Variants in EML6 observed in about 807,000 individuals in gnomAD.
EML6 encodes the protein echinoderm microtubule-associated protein-like 6.
A neutral mutation model predicts 240.1 loss-of-function variants in EML6; 154 were observed. The observed-to-expected ratio is 0.64, with a 90% CI of 0.56 to 0.73. The LOEUF (loss-of-function observed/expected upper bound fraction) is 0.73, where lower values mean the gene tolerates loss of function less well. Among genes scored for constraint, EML6 ranks in the 30% least tolerant of loss-of-function variants. The pLI is 0.00. For missense variants in EML6, 2,964 were observed against 2,474.6 expected (o/e 1.20, Z -4.20); for synonymous variants, 1,148 against 899.0 (o/e 1.28, Z -4.95).
rs1009109990 is a variant in EML6, at chr2:54,933,223, T to C, written c.4004+4472T>C. Among the ~76,000 whole-genome samples the C allele has an allele frequency of 2.0e-5, 3 of 152,284 alleles. No homozygotes were observed. The East Asian group carries it at 5.8e-4, about 29-fold the overall frequency. On this transcript the variant is annotated intron_variant, in intron 28 of 41. Coordinates refer to ENST00000356458, the MANE Select transcript of EML6 (RefSeq NM_001039753.4). ...TATTGGCTCTGGTGGGCCCCAGGAC[T>C]ACCCTTGAACCAATCACTATGGGCT...
At chr2:54,863,711 A>G in intron 12 of EML6, 72 bp from the exon 13 acceptor site, 1 of 754,486 alleles carries the variant, frequency 1.3e-6, no homozygotes, top group Non-Finnish European at 2.3e-6. Flanking sequence ...AAAAGGAAAA[A>G]TATTTTAGAT....
chr2:54,828,466 G>A (rs529450787), intron 6 of EML6, among the ~76,000 whole-genome samples: 10 of 152,326 alleles, frequency 6.6e-5, no homozygotes, highest in African/African-American at 2.4e-4. Flanking sequence ...TGGAAATTGG[G>A]TAAAGATGTT....
At chr2:54,795,038 C>T (rs1225936653) in intron 2 of EML6, among the ~76,000 whole-genome samples, 2 of 152,162 alleles carry the variant, frequency 1.3e-5, no homozygotes, top group African/African-American at 4.8e-5. Context: ...TTACATAGTA[C>T]TATTTATTCG....
At chr2:54,857,188 C>T (rs1426574851) in intron 11 of EML6, among the ~76,000 whole-genome samples, 2 of 152,106 alleles carry the variant, frequency 1.3e-5, no homozygotes, top group Admixed American at 6.5e-5. Context: ...GTTAGGGGCC[C>T]GTACTGGGCA....
intron 12 of EML6, 93 bp downstream of exon 12, chr2:54,859,794 A>G: frequency 8.9e-7 from 1 of 1,126,418 alleles, no homozygotes; most frequent in Admixed American, 3.7e-5. Flanking sequence ...AAAGGATTTA[A>G]GCAATTTTGG....
At chr2:54,929,084 C>T (rs1184063422) in intron 28 of EML6, among the ~76,000 whole-genome samples, 1 of 152,198 alleles carries the variant, frequency 6.6e-6, no homozygotes, top group Non-Finnish European at 1.5e-5. Flanking sequence ...ACAGGAAAGC[C>T]TGCTGACCAG....
rs142016313 is a variant in EML6 at position 54,825,879 on chromosome 2, A to G, written c.526-1687A>G. Among the ~76,000 whole-genome samples the G allele has an allele frequency of 1.8e-4, 28 of 152,268 alleles. 1 individual carries two copies. The highest frequency in any genetic ancestry group is 6.3e-4 in the African/African-American group (26 of 41,550). On this transcript the variant is annotated intron_variant, in intron 5 of 41. Coordinates refer to ENST00000356458, the MANE Select transcript of EML6 (RefSeq NM_001039753.4). The stretch of plus-strand genomic sequence containing the variant: ...TCTCCTACAGGTGTAAAATAGTACA[A>G]TGTTACTGATTTACTCCCACATGCC...
At chr2:54,740,159 G>A (rs1271777449) in intron 2 of EML6, among the ~76,000 whole-genome samples, 1 of 152,168 alleles carries the variant, frequency 6.6e-6, no homozygotes, top group Admixed American at 6.5e-5. Flanking sequence ...ATGGGCCCTT[G>A]CTCAGGAGAG....
chr2:54,782,504 T>A (rs1224439732), intron 2 of EML6, among the ~76,000 whole-genome samples: 1 of 152,200 alleles, frequency 6.6e-6, no homozygotes, highest in Non-Finnish European at 1.5e-5. Context: ...ACTTCTTAGA[T>A]CTTGTTCTTT....
chr2:54,797,572 A>C (rs1669890143), intron 2 of EML6, among the ~76,000 whole-genome samples: 3 of 152,120 alleles, frequency 2.0e-5, no homozygotes, highest in Admixed American at 2.0e-4. Context: ...ATTGTAGTCT[A>C]CTAAGTGTGC....
At chr2:54,966,760 G>C (rs1676766944) in intron 38 of EML6, 2 of 281,968 alleles carry the variant, frequency 7.1e-6, no homozygotes, top group Admixed American at 1.0e-4. Context: ...CACACTCAGA[G>C]AACCGCTATC....
intron 2 of EML6, among the ~76,000 whole-genome samples, chr2:54,786,920 G>A (rs980180708): frequency 2.0e-5 from 3 of 152,184 alleles, no homozygotes; most frequent in Non-Finnish European, 1.5e-5. Context: ...TGGTGTGTAA[G>A]CCTTTTTCTC....
intron 28 of EML6, among the ~76,000 whole-genome samples, chr2:54,945,904 C>T (rs1675674036): frequency 1.3e-5 from 2 of 152,230 alleles, no homozygotes; most frequent in African/African-American, 4.8e-5. Flanking sequence ...TGATCCTGCC[C>T]TGCCCACAGA....
chr2:54,916,461 T>C (rs937562783), intron 25 of EML6, among the ~76,000 whole-genome samples: 3 of 152,188 alleles, frequency 2.0e-5, no homozygotes, highest in African/African-American at 7.2e-5. Flanking sequence ...TTATGGCTTA[T>C]ACAATGATAA....
At position 54,964,137 on chromosome 2, in the gene EML6, A is replaced by G; in HGVS notation, c.5309A>G (p.Lys1770Arg). Residue 1770 changes from lysine to arginine, a missense_variant, in exon 37 of 42, where the codon AAA (lysine) becomes AGA (arginine). By Grantham distance (26) the Lys-to-Arg change is conservative (BLOSUM62 2). Coordinates refer to ENST00000356458, the MANE Select transcript of EML6 (RefSeq NM_001039753.4). ...GTTTGGGGGAAAAAACGAGACCGGAAATCTGCTATCCAAGATATCAGGTAC... is the reference window on the plus strand; with the variant it reads ...GTTTGGGGGAAAAAACGAGACCGGAGATCTGCTATCCAAGATATCAGGTAC... ...LKVWGKKRDR[K>R]SAIQDIRISP... 1 of 1,551,692 alleles carries G rather than the reference A, an allele frequency of 6.4e-7. No individual in the cohort carries two copies. Among genetic ancestry groups the G allele is most frequent in the South Asian group, 1.2e-5 (1 of 84,058 alleles).
At chr2:54,928,037 C>CTT (rs972917034) in intron 26 of EML6, among the ~76,000 whole-genome samples, 3 of 152,150 alleles carry the variant, frequency 2.0e-5, no homozygotes, top group African/African-American at 7.2e-5. Context: ...CCAGAACAAG[C>CTT]TTTTTATATG....
chr2:54,811,188 C>T (rs181510814), intron 2 of EML6, among the ~76,000 whole-genome samples: 1 of 152,254 alleles, frequency 6.6e-6, no homozygotes, highest in African/African-American at 2.4e-5. Context: ...CTGTCCTTAC[C>T]CCTGCATTTC....
chr2:54,800,605 A>G (rs1000006016), intron 2 of EML6, among the ~76,000 whole-genome samples: 1 of 152,104 alleles, frequency 6.6e-6, no homozygotes, highest in Non-Finnish European at 1.5e-5. Context: ...CAGCATGGTG[A>G]ATGCACTCAA....
chr2:54,899,872 C>A, intron 22 of EML6, 90 bp downstream of exon 22: 2 of 1,279,884 alleles, frequency 1.6e-6, no homozygotes, highest in Non-Finnish European at 2.2e-6. Flanking sequence ...TTACTGAGGG[C>A]ACGTGTTATA....
Sources: allele counts gnomAD v4.1 joint callset (sites outside exome capture counted in the v4.1 genomes callset), GRCh38; gene constraint gnomAD v4.1.1; transcripts MANE v1.5; gene names NCBI Gene and HGNC (gene_info 2026-07-23, HGNC 2026-07-21).